ZNF385D: variants seen among roughly 807,000 people sequenced by gnomAD.
ZNF385D encodes the protein zinc finger protein 385D.
A neutral mutation model predicts 35.8 loss-of-function variants in ZNF385D; 15 were observed. The ratio of observed to expected loss-of-function variants is 0.42; its 90% CI spans 0.28 to 0.64. The LOEUF (loss-of-function observed/expected upper bound fraction) is 0.64, where lower values mean the gene tolerates loss of function less well. Among genes scored for constraint, ZNF385D ranks in the 30% least tolerant of loss-of-function variants. The pLI is 0.23. For missense variants in ZNF385D, 474 were observed against 494.6 expected, an observed-to-expected ratio of 0.96 and a Z score of 0.39; for synonymous variants, 212 against 186.8, an observed-to-expected ratio of 1.13 and a Z score of -1.10.
intron 2 of ZNF385D, among the ~76,000 whole-genome samples, chr3:21,635,982 C>A (rs1191139295): frequency 6.6e-6 from 1 of 152,050 alleles, no homozygotes; most frequent in Non-Finnish European, 1.5e-5. Context: ...GGGCTGGTTC[C>A]ATATTTTTGC....
At chr3:21,876,321 T>C (rs1304572318) in intron 3 of ZNF385D, among the ~76,000 whole-genome samples, 3 of 151,758 alleles carry the variant, frequency 2.0e-5, no homozygotes, top group Non-Finnish European at 2.9e-5. Flanking sequence ...AGAGTAACTG[T>C]CTTCATTCAG....
At chr3:22,078,278 A>T (rs182965678) in intron 3 of ZNF385D, among the ~76,000 whole-genome samples, 6 of 152,180 alleles carry the variant, frequency 3.9e-5, no homozygotes, top group Admixed American at 2.0e-4. Flanking sequence ...TGAGAAAAAA[A>T]TATGTTGACA....
At chr3:21,456,568 A>G (rs1228902293) in intron 4 of ZNF385D, among the ~76,000 whole-genome samples, 2 of 152,098 alleles carry the variant, frequency 1.3e-5, no homozygotes, top group African/African-American at 4.8e-5. Context: ...GGGGAACATC[A>G]CACACCGGGG....
At chr3:21,970,388 G>A (rs558071324) in intron 3 of ZNF385D, among the ~76,000 whole-genome samples, 33 of 151,222 alleles carry the variant, frequency 2.2e-4, no homozygotes, top group African/African-American at 8.0e-4. Context: ...AAATAATCAA[G>A]CAGAAAATGC....
At chr3:22,338,964 G>A (rs1695299811) in intron 2 of ZNF385D, among the ~76,000 whole-genome samples, 1 of 151,962 alleles carries the variant, frequency 6.6e-6, no homozygotes, top group South Asian at 2.1e-4. Context: ...GCCTCCCAAA[G>A]TGTTAGGATT....
intron 3 of ZNF385D, among the ~76,000 whole-genome samples, chr3:21,924,938 G>T (rs1395172805): frequency 6.6e-6 from 1 of 152,110 alleles, no homozygotes; most frequent in Non-Finnish European, 1.5e-5. Context: ...GAGGAAGCCA[G>T]CTAATTCTAA....
chr3:21,425,601 C>T lies in ZNF385D; in HGVS notation c.743G>A (p.Gly248Glu), dbSNP rs1700982228. 6.2e-7 allele frequency: 1 copy of T among 1,607,390 alleles called. No individual in the cohort carries two copies. Among genetic ancestry groups the T allele is most frequent in the African/African-American group, 1.3e-5 (1 of 74,638 alleles). The change falls in exon 6 of 8, where the codon GGA becomes GAA. Residue 248 changes from glycine to glutamate, a missense_variant. Physicochemically the swap from Gly to Glu is moderately conservative, Grantham distance 98. Coordinates refer to ENST00000281523, the MANE Select transcript of ZNF385D (RefSeq NM_024697.3). ...ATTAACAGGTCCTTTGCCTTTCACTCCTGCCCTAGGAAAGGCTTTGATAGT... is the reference window on the plus strand; with the variant it reads ...ATTAACAGGTCCTTTGCCTTTCACTTCTGCCCTAGGAAAGGCTTTGATAGT... ...SGTIKAFPRA[G>E]VKGKGPVNKG...
chr3:21,786,487 A>G (rs767833461), intron 3 of ZNF385D, among the ~76,000 whole-genome samples: 5 of 152,346 alleles, frequency 3.3e-5, no homozygotes, highest in South Asian at 2.1e-4. Context: ...AGAATTATTC[A>G]GAAGTCTTTA....
At chr3:21,443,156 C>T in intron 4 of ZNF385D, 1 of 985,380 alleles carries the variant, frequency 1.0e-6, no homozygotes, top group Non-Finnish European at 1.2e-6. Context: ...AAGTGCTCCA[C>T]TCCACTTTGC....
At chr3:22,352,664 C>T (rs955566396) in intron 2 of ZNF385D, among the ~76,000 whole-genome samples, 4 of 152,194 alleles carry the variant, frequency 2.6e-5, no homozygotes, top group Middle Eastern at 3.4e-3. Flanking sequence ...TACAAACATC[C>T]TGAGGTTTTC....
chr3:22,004,834 C>A (rs1603667), intron 3 of ZNF385D, among the ~76,000 whole-genome samples: 16,206 of 152,112 alleles, frequency 0.11, 1,151 homozygotes, highest in South Asian at 0.26. Flanking sequence ...CCTTTCAGGA[C>A]TGAACAAATG....
intron 2 of ZNF385D, among the ~76,000 whole-genome samples, chr3:22,280,092 G>T (rs1336780262): frequency 6.6e-6 from 1 of 151,948 alleles, no homozygotes; most frequent in Non-Finnish European, 1.5e-5. Context: ...TTTGTGAATT[G>T]TCTATTCATG....
intron 2 of ZNF385D, among the ~76,000 whole-genome samples, chr3:22,294,903 A>C (rs963451557): frequency 3.9e-5 from 6 of 152,144 alleles, no homozygotes. Context: ...TCAACATATT[A>C]ATTCAAAGGA....
chr3:22,260,725 C>G (rs986206923), intron 2 of ZNF385D, among the ~76,000 whole-genome samples: 2 of 151,770 alleles, frequency 1.3e-5, no homozygotes, highest in African/African-American at 2.4e-5. Flanking sequence ...TCTAATTTAC[C>G]TAATATAAAA....
rs80037297 is a variant in ZNF385D, at chr3:21,693,032, T to C, written c.23-28004A>G. 2.4e-4 allele frequency among the ~76,000 whole-genome samples: 37 copies of C among 152,322 alleles called. No individual in the cohort carries two copies. In the East Asian group the frequency reaches 6.4e-3, roughly 26 times the overall value. ...ATAACCTCTTTGCCATCTTTTCCAG[T>C]TATATTTGTGGCAACTAGCATCACA... On this transcript the variant is annotated intron_variant, in intron 1 of 7. Coordinates refer to ENST00000281523, the MANE Select transcript of ZNF385D (RefSeq NM_024697.3).
At chr3:21,495,302 C>G (rs1308490312) in intron 4 of ZNF385D, among the ~76,000 whole-genome samples, 6 of 151,720 alleles carry the variant, frequency 4.0e-5, no homozygotes, top group South Asian at 2.1e-4. Flanking sequence ...CTAGCTTTAC[C>G]TAATTCTACT....
intron 2 of ZNF385D, among the ~76,000 whole-genome samples, chr3:22,244,063 A>G (rs1038409392): frequency 6.6e-6 from 1 of 150,936 alleles, no homozygotes; most frequent in Non-Finnish European, 1.5e-5. Flanking sequence ...AAAGTTACTG[A>G]AAAACCTCTC....
At chr3:21,634,086 A>G (rs2065356003) in intron 2 of ZNF385D, among the ~76,000 whole-genome samples, 1 of 152,004 alleles carries the variant, frequency 6.6e-6, no homozygotes, top group Non-Finnish European at 1.5e-5. Flanking sequence ...AGTCCCAGCT[A>G]CTAGGGAGGC....
At chr3:22,020,607 T>A (rs151037343) in intron 3 of ZNF385D, among the ~76,000 whole-genome samples, 1 of 152,156 alleles carries the variant, frequency 6.6e-6, no homozygotes, top group Non-Finnish European at 1.5e-5. Context: ...AAGGCTATTA[T>A]TAAAAAGTCA....
Sources: gnomAD v4.1 joint callset for allele counts (sites outside exome capture counted in the v4.1 genomes callset) on GRCh38, gnomAD v4.1.1 for gene constraint, MANE v1.5 for transcripts, NCBI Gene and HGNC (gene_info 2026-07-23, HGNC 2026-07-21) for gene names.